OR6N1: variants seen among roughly 807,000 people sequenced by gnomAD.
OR6N1 encodes the protein olfactory receptor 6N1.
For synonymous variants in OR6N1, 170 were observed against 150.7 expected, an observed-to-expected ratio of 1.13 and a Z score of -0.94; for missense variants, 394 against 371.7, an observed-to-expected ratio of 1.06 and a Z score of -0.49.
At chr1:158,773,763 T>TA (rs1205649998), upstream of OR6N1, among the ~76,000 whole-genome samples, 1 of 152,140 alleles carries the variant, frequency 6.6e-6, no homozygotes, top group African/African-American at 2.4e-5. Flanking sequence ...AGCACCTCTT[T>TA]AAGTGCCTGC....
chr1:158,791,999 G>C, the OR6N1 span, among the ~76,000 whole-genome samples: 14 of 152,322 alleles, frequency 9.2e-5, 1 homozygote, highest in Middle Eastern at 3.4e-3. Context: ...GAGTGTTGAA[G>C]TACCCCACTA....
chr1:158,795,536 G>T, the OR6N1 span, among the ~76,000 whole-genome samples: 2 of 152,204 alleles, frequency 1.3e-5, no homozygotes, highest in African/African-American at 4.8e-5. Context: ...GTAGACTTCT[G>T]CAAGGTCCCT....
the OR6N1 span, among the ~76,000 whole-genome samples, chr1:158,788,076 T>G: frequency 6.6e-6 from 1 of 152,162 alleles, no homozygotes; most frequent in African/African-American, 2.4e-5. Flanking sequence ...TAAGAGGAGA[T>G]AAGCTATAAC....
chr1:158,770,055 G>A (rs1388848295), intron 1 of OR6N1, among the ~76,000 whole-genome samples: 1 of 152,112 alleles, frequency 6.6e-6, no homozygotes, highest in Non-Finnish European at 1.5e-5. Flanking sequence ...TTCTAGAGCT[G>A]CCTCTTTCCT....
the OR6N1 span, among the ~76,000 whole-genome samples, chr1:158,810,879 AGGTACATGTGCATGTTTAATACATGTGC>A: frequency 4.6e-3 from 694 of 152,234 alleles, 3 homozygotes; most frequent in African/African-American, 0.016. Flanking sequence ...AATACATGTG[AGGTACATGTGCATGTTTAATACATGTGC>A]GGTACATGTA....
At chr1:158,789,404 G>A in the OR6N1 span, among the ~76,000 whole-genome samples, 7 of 152,212 alleles carry the variant, frequency 4.6e-5, no homozygotes, top group East Asian at 3.9e-4. Context: ...TTAGTTTTAC[G>A]AGGAATCTCC....
chr1:158,771,196 C>A (rs1657416662), intron 1 of OR6N1, among the ~76,000 whole-genome samples: 1 of 152,164 alleles, frequency 6.6e-6, no homozygotes, highest in Non-Finnish European at 1.5e-5. Context: ...TTCTTTCACA[C>A]TTCTAAATTC....
At chr1:158,769,457 C>T (rs1402324717) in intron 1 of OR6N1, among the ~76,000 whole-genome samples, 1 of 152,146 alleles carries the variant, frequency 6.6e-6, no homozygotes. Context: ...AGTCACCATG[C>T]TTTGCCAGAA....
the OR6N1 span, among the ~76,000 whole-genome samples, chr1:158,798,738 C>T: frequency 6.6e-6 from 1 of 151,426 alleles, no homozygotes; most frequent in East Asian, 2.0e-4. Context: ...TATATATATA[C>T]TTATGATTTA....
At chr1:158,785,888 A>T in the OR6N1 span, among the ~76,000 whole-genome samples, 1 of 152,154 alleles carries the variant, frequency 6.6e-6, no homozygotes, top group Admixed American at 6.5e-5. Flanking sequence ...CCATGTAGTC[A>T]TTATTTTAGA....
intron 1 of OR6N1, among the ~76,000 whole-genome samples, chr1:158,767,237 T>C (rs539536522): frequency 2.0e-5 from 3 of 152,184 alleles, no homozygotes; most frequent in Non-Finnish European, 4.4e-5. Context: ...AGAACTCAGG[T>C]CTGCTAGCAT....
the OR6N1 span, among the ~76,000 whole-genome samples, chr1:158,830,896 T>G: frequency 2.6e-5 from 4 of 152,304 alleles, no homozygotes; most frequent in Admixed American, 1.3e-4. Context: ...TGGGTGAATA[T>G]GTAGGTACTA....
At chr1:158,778,922 G>A in the OR6N1 span, among the ~76,000 whole-genome samples, 3 of 151,068 alleles carry the variant, frequency 2.0e-5, no homozygotes, top group African/African-American at 4.9e-5. Context: ...CGGAGGCTGA[G>A]GCAGGAGAAT....
the OR6N1 span, among the ~76,000 whole-genome samples, chr1:158,787,106 T>C: frequency 2.0e-5 from 3 of 152,092 alleles, no homozygotes; most frequent in Middle Eastern, 3.2e-3. Flanking sequence ...TGGGGGTGAA[T>C]TCCTCATGGC....
At chr1:158,815,430 C>G in the OR6N1 span, among the ~76,000 whole-genome samples, 14 of 152,084 alleles carry the variant, frequency 9.2e-5, no homozygotes, top group Non-Finnish European at 2.1e-4. Context: ...GTTGAGATGA[C>G]TGCAATGTAG....
the OR6N1 span, among the ~76,000 whole-genome samples, chr1:158,817,355 T>C: frequency 2.0e-5 from 3 of 152,134 alleles, no homozygotes; most frequent in Non-Finnish European, 2.9e-5. Context: ...AATTCACTCA[T>C]CAGAAAAATG....
chr1:158,819,253 C>A, the OR6N1 span, among the ~76,000 whole-genome samples: 1 of 152,256 alleles, frequency 6.6e-6, no homozygotes, highest in African/African-American at 2.4e-5. Flanking sequence ...AAAGAAATAG[C>A]TCTAAAATAC....
At chr1:158,794,410 C>T in the OR6N1 span, among the ~76,000 whole-genome samples, 1 of 152,148 alleles carries the variant, frequency 6.6e-6, no homozygotes, top group Non-Finnish European at 1.5e-5. Context: ...TGCACTCCCC[C>T]TTCCCCTAGG....
At chr1:158,820,788 T>C in the OR6N1 span, among the ~76,000 whole-genome samples, 15 of 152,184 alleles carry the variant, frequency 9.9e-5, no homozygotes, top group Admixed American at 9.2e-4. Context: ...TCTTTGAGGA[T>C]ATAAACTTCA....
Sources: allele counts gnomAD v4.1 joint callset (sites outside exome capture counted in the v4.1 genomes callset), GRCh38; gene constraint gnomAD v4.1.1; transcripts MANE v1.5; gene names NCBI Gene and HGNC (gene_info 2026-07-23, HGNC 2026-07-21).